The following LRFN2 variants were observed in gnomAD, a reference collection of about 807,000 sequenced individuals.
LRFN2 encodes the protein leucine-rich repeat and fibronectin type-III domain-containing protein 2.
LRFN2 carries 18 observed loss-of-function variants against 37.3 expected under a neutral mutation model. The observed-to-expected ratio is 0.48, with a 90% CI of 0.33 to 0.72. The LOEUF is 0.72. LRFN2 is among the 30% of genes least tolerant of loss of function. The pLI, the probability that LRFN2 is intolerant of heterozygous loss-of-function variation, is 0.02. For synonymous variants in LRFN2, 556 were observed against 466.6 expected (o/e 1.19, Z -2.47); for missense variants, 1,006 against 1,060.7 (o/e 0.95, Z 0.72).
chr6:40,457,874 G>A (rs1366434174), intron 1 of LRFN2, among the ~76,000 whole-genome samples: 1 of 152,140 alleles, frequency 6.6e-6, no homozygotes, highest in Non-Finnish European at 1.5e-5. Flanking sequence ...ATCAATGTGT[G>A]TGATTGACAG....
chr6:40,450,219 G>A (rs1036689708), intron 1 of LRFN2, among the ~76,000 whole-genome samples: 5 of 152,064 alleles, frequency 3.3e-5, no homozygotes, highest in African/African-American at 4.8e-5. Context: ...TCCCTACCTC[G>A]GAGCTCACCT....
chr6:40,577,108 C>CTTCTCTTCTCTTCTCTTATCCTCT lies in LRFN2; in HGVS notation c.-19+9832_-19+9833insAGAGGATAAGAGAAGAGAAGAGAA, dbSNP rs1554145947. On this transcript the variant is annotated intron_variant, in intron 1 of 2. Transcript: ENST00000338305. The stretch of plus-strand genomic sequence containing the variant: ...CTTTTCTTTTCTTTTCTTTTCCTTT[C>CTTCTCTTCTCTTCTCTTATCCTCT]TTTTCTTTTTAGATATGGAGTCTCG... 1.9e-5 allele frequency among the ~76,000 whole-genome samples: 2 copies of CTTCTCTTCTCTTCTCTTATCCTCT among 104,588 alleles called. 1 individual carries two copies. The highest frequency in any genetic ancestry group is 8.0e-5 in the African/African-American group (2 of 25,006). The allele number at this position is 104,588 out of a possible 152,430, so 68.6% of individuals were successfully genotyped here. A position where few individuals can be genotyped will look rare whatever the true frequency, so the allele number is the denominator to read the frequency against.
At chr6:40,472,932 G>T (rs143531740) in intron 1 of LRFN2, among the ~76,000 whole-genome samples, 2 of 151,986 alleles carry the variant, frequency 1.3e-5, no homozygotes, top group South Asian at 4.2e-4. Flanking sequence ...TCATTCACTC[G>T]GGGCTGCATC....
chr6:40,470,322 C>T (rs985355441), intron 1 of LRFN2, among the ~76,000 whole-genome samples: 8 of 152,180 alleles, frequency 5.3e-5, no homozygotes, highest in East Asian at 1.9e-4. Context: ...CAATTTAAGA[C>T]GCTGTGTGGC....
intron 1 of LRFN2, among the ~76,000 whole-genome samples, chr6:40,534,279 T>G (rs906462028): frequency 2.0e-5 from 3 of 152,182 alleles, no homozygotes; most frequent in African/African-American, 7.2e-5. Context: ...CGAGTTGTTC[T>G]CACGTTTTGG....
In LRFN2 at chr6:40,477,417, C is replaced by T. The variant is rs185507638; in HGVS notation, c.-18-44286G>A. On this transcript the variant is annotated intron_variant, in intron 1 of 2. Coordinates refer to ENST00000338305, the MANE Select transcript of LRFN2 (RefSeq NM_020737.3). The stretch of plus-strand genomic sequence containing the variant: ...CTTTCAACAAGGTTATCTACGTTGT[C>T]TGTGGTCCCATGAGAAAACCAAAAC... Among the ~76,000 whole-genome samples, 150 of 152,316 alleles carry T rather than the reference C, an allele frequency of 9.8e-4. 2 individuals carry two copies. Among genetic ancestry groups the T allele is most frequent in the Admixed American group, 4.2e-3 (65 of 15,298 alleles).
At chr6:40,479,640 T>C (rs1764782822) in intron 1 of LRFN2, among the ~76,000 whole-genome samples, 1 of 152,154 alleles carries the variant, frequency 6.6e-6, no homozygotes, top group African/African-American at 2.4e-5. Context: ...TAAAACAACG[T>C]GAAGGAAGAT....
intron 1 of LRFN2, among the ~76,000 whole-genome samples, chr6:40,534,150 G>A (rs918798806): frequency 4.6e-5 from 7 of 152,122 alleles, no homozygotes; most frequent in East Asian, 1.9e-4. Context: ...AACCACTTTC[G>A]AACATTCCAG....
chr6:40,484,395 G>T (rs1394921700), intron 1 of LRFN2, among the ~76,000 whole-genome samples: 1 of 152,106 alleles, frequency 6.6e-6, no homozygotes. Flanking sequence ...GCCCCCACCC[G>T]CTGAGCCCCA....
intron 1 of LRFN2, among the ~76,000 whole-genome samples, chr6:40,467,397 G>C (rs1370724000): frequency 6.6e-6 from 1 of 152,094 alleles, no homozygotes; most frequent in Admixed American, 6.5e-5. Context: ...AGCAGGCTCT[G>C]AGCTAGAGCC....
rs1764650235 is a variant in LRFN2, at chr6:40,473,633, G to A, written c.-18-40502C>T. Among the ~76,000 whole-genome samples the A allele has an allele frequency of 2.0e-5, 3 of 152,276 alleles. No individual in the cohort carries two copies. In the South Asian group the frequency reaches 6.2e-4, roughly 32 times the overall value. On this transcript the variant is annotated intron_variant, in intron 1 of 2. Coordinates refer to ENST00000338305, the MANE Select transcript of LRFN2 (RefSeq NM_020737.3). ...GCAGAACGTGCAGGTTTGTTACATA[G>A]GTATACATGTGCCATGGTGGTTTGC... is the stretch of plus-strand genomic sequence containing the variant.
At chr6:40,393,123 AGAG>A (rs1762549296) in intron 2 of LRFN2, among the ~76,000 whole-genome samples, 1 of 147,612 alleles carries the variant, frequency 6.8e-6, no homozygotes, top group African/African-American at 2.5e-5. Context: ...AAGGAGAGAC[AGAG>A]GAGAGGGGAG....
chr6:40,445,000 C>A (rs755836579), intron 1 of LRFN2, among the ~76,000 whole-genome samples: 8 of 152,046 alleles, frequency 5.3e-5, no homozygotes, highest in Non-Finnish European at 1.2e-4. Flanking sequence ...CCTGCACCCC[C>A]TCCACCTCAC....
At chr6:40,400,231 G>T (rs774499819) in intron 2 of LRFN2, among the ~76,000 whole-genome samples, 4 of 151,728 alleles carry the variant, frequency 2.6e-5, no homozygotes, top group African/African-American at 9.7e-5. Flanking sequence ...TGCTGATCAC[G>T]ATGTCTGGCC....
chr6:40,443,060 T>C (rs1054701236), intron 1 of LRFN2, among the ~76,000 whole-genome samples: 1 of 152,200 alleles, frequency 6.6e-6, no homozygotes, highest in African/African-American at 2.4e-5. Context: ...ATTTCCTTCC[T>C]GAAGGGCGTT....
chr6:40,481,133 A>C (rs568685314), intron 1 of LRFN2, among the ~76,000 whole-genome samples: 4 of 152,114 alleles, frequency 2.6e-5, no homozygotes, highest in Non-Finnish European at 5.9e-5. Context: ...TTTAGTTTTG[A>C]AGGAAGAAAA....
chr6:40,550,883 C>T (rs921322376), intron 1 of LRFN2, among the ~76,000 whole-genome samples: 9 of 152,110 alleles, frequency 5.9e-5, no homozygotes, highest in African/African-American at 2.2e-4. Flanking sequence ...CGTCTCCCCG[C>T]GGGCATGGGG....
rs182054153 is a variant in LRFN2 at position 40,505,770 on chromosome 6, C to T, written c.-18-72639G>A. On this transcript the variant is annotated intron_variant, in intron 1 of 2. Transcript: ENST00000338305. ...ACACAGGTCTCACCTATCTTCCCCC[C>T]ATGTCTTAAGATCATGCCTCCTGGC... Among the ~76,000 whole-genome samples the T allele has an allele frequency of 1.8e-3, 270 of 152,330 alleles. 2 individuals are homozygous for T. Among genetic ancestry groups the T allele is most frequent in the African/African-American group, 6.1e-3 (254 of 41,584 alleles).
At chr6:40,487,266 A>T (rs760593009) in intron 1 of LRFN2, among the ~76,000 whole-genome samples, 3 of 151,918 alleles carry the variant, frequency 2.0e-5, no homozygotes, top group Non-Finnish European at 1.5e-5. Flanking sequence ...TCCCTTGGGG[A>T]GGTCATCCAG....
Sources: allele counts gnomAD v4.1 joint callset (sites outside exome capture counted in the v4.1 genomes callset), GRCh38; gene constraint gnomAD v4.1.1; transcripts MANE v1.5; gene names NCBI Gene and HGNC (gene_info 2026-07-23, HGNC 2026-07-21).